The following ANKRD36B variants were observed in gnomAD, a reference collection of about 807,000 sequenced individuals.
ANKRD36B encodes the protein ankyrin repeat domain 36B, also known as ankyrin repeat domain-containing protein 36B.
ANKRD36B carries 37 observed loss-of-function variants against 135.7 expected under a neutral mutation model. The observed-to-expected ratio is 0.27, with a 90% CI of 0.21 to 0.36. The LOEUF (loss-of-function observed/expected upper bound fraction) is 0.36, where lower values mean the gene tolerates loss of function less well. ANKRD36B is among the 10% of genes least tolerant of loss of function. The pLI is 1.00. For missense variants in ANKRD36B, 549 were observed against 1,037.1 expected, an observed-to-expected ratio of 0.53 and a Z score of 6.46; for synonymous variants, 179 against 348.1, an observed-to-expected ratio of 0.51 and a Z score of 5.41.
intron 1 of ANKRD36B, among the ~76,000 whole-genome samples, chr2:97,587,332 A>G (rs2083080857): frequency 6.6e-6 from 1 of 152,252 alleles, no homozygotes; most frequent in African/African-American, 2.4e-5. Flanking sequence ...CATCACAGAT[A>G]AGAAAAAATA....
intron 14 of ANKRD36B, among the ~76,000 whole-genome samples, chr2:97,554,126 G>A (rs2080290490): frequency 6.6e-6 from 1 of 151,626 alleles, no homozygotes; most frequent in African/African-American, 2.4e-5. Flanking sequence ...TAAAAGCATT[G>A]GATATTAATA....
chr2:97,578,649 A>G lies in ANKRD36B; in HGVS notation c.695+257T>C, dbSNP rs1360200811. Among the ~76,000 whole-genome samples, 5 of 152,198 alleles carry G rather than the reference A, an allele frequency of 3.3e-5. No homozygotes were observed. In the East Asian group the frequency reaches 5.8e-4, roughly 18 times the overall value. ...TTATACTGGAAATAAAATGGACAAC[A>G]TTGGAATCCCTAAGGAGAAAAGTCC... On this transcript the variant is annotated intron_variant, in intron 5 of 43. Coordinates refer to ENST00000359901, the MANE Select transcript of ANKRD36B (RefSeq NM_001393939.1).
intron 5 of ANKRD36B, 77 bp downstream of exon 5, chr2:97,578,829 G>A (rs1559236817): frequency 6.5e-6 from 10 of 1,545,566 alleles, no homozygotes; most frequent in Non-Finnish European, 5.3e-6. Flanking sequence ...AATCTCACCT[G>A]ATATATAAGA....
At chr2:97,571,659 T>C (rs1258944503) in intron 6 of ANKRD36B, among the ~76,000 whole-genome samples, 1 of 151,972 alleles carries the variant, frequency 6.6e-6, no homozygotes, top group Non-Finnish European at 1.5e-5. Context: ...AAAAAATCTA[T>C]TAATAAAAAC....
chr2:97,582,848 C>T (rs2082715333), intron 3 of ANKRD36B, among the ~76,000 whole-genome samples: 1 of 151,976 alleles, frequency 6.6e-6, no homozygotes, highest in South Asian at 2.1e-4. Flanking sequence ...ACTTTTACAA[C>T]ATTCATTCAT....
intron 22 of ANKRD36B, 53 bp downstream of exon 22, chr2:97,547,483 A>G (rs2079581267): frequency 4.0e-6 from 6 of 1,501,816 alleles, no homozygotes; most frequent in African/African-American, 1.4e-5. Context: ...CAGGGAAGAG[A>G]ATTTCTTATC....
In ANKRD36B at chr2:97,574,398, G is replaced by A. The variant is rs527290400; in HGVS notation, c.763+1981C>T. Among the ~76,000 whole-genome samples, 686 of 152,296 alleles carry A rather than the reference G, an allele frequency of 4.5e-3. 5 individuals are homozygous for A. Among genetic ancestry groups the A allele is most frequent in the African/African-American group, 0.016 (658 of 41,560 alleles). On this transcript the variant is annotated intron_variant, in intron 6 of 43. Transcript: ENST00000359901. The stretch of plus-strand genomic sequence containing the variant: ...AAAACGTCAGGAAACAACAGGTGCT[G>A]GAGAGGATGTGGAGAAATAGGAACA...
chr2:97,528,959 G>A lies in ANKRD36B; in HGVS notation c.2265+3352C>T, dbSNP rs182487718. ...TCCAGGACCAGATGGATTCACAGTC[G>A]CATTCTACCAGAGGTACAAGGAGGA... On this transcript the variant is annotated intron_variant, in intron 35 of 43. Coordinates refer to ENST00000359901, the MANE Select transcript of ANKRD36B (RefSeq NM_001393939.1). 6.8e-4 allele frequency among the ~76,000 whole-genome samples: 65 copies of A among 96,274 alleles called. 26 individuals carry two copies. The highest frequency in any genetic ancestry group is 1.4e-3 in the Non-Finnish European group (52 of 36,168). 63.2% of individuals were successfully genotyped at this position (96,274 alleles called of 152,430 possible). A position where few individuals can be genotyped will look rare whatever the true frequency, so the allele number is the denominator to read the frequency against.
In ANKRD36B at chr2:97,581,895, C is replaced by T. The variant is rs535191307; in HGVS notation, c.451-1327G>A. Among the ~76,000 whole-genome samples, 470 of 151,972 alleles carry T rather than the reference C, an allele frequency of 3.1e-3. 2 individuals carry two copies. The highest frequency in any genetic ancestry group is 8.6e-3 in the Admixed American group (131 of 15,272). On this transcript the variant is annotated intron_variant, in intron 3 of 43. Transcript: ENST00000359901. ...TCGGCTCACTGCAACCTCCGCCTCC[C>T]GGATTCAAGCACGAGAAATTCTCCT...
At chr2:97,577,707 A>G (rs1296519304) in intron 5 of ANKRD36B, among the ~76,000 whole-genome samples, 1 of 141,536 alleles carries the variant, frequency 7.1e-6, no homozygotes, top group Non-Finnish European at 1.6e-5. Flanking sequence ...TGAGACTCAG[A>G]TAATTCCAAT....
chr2:97,543,060 C>T (rs1415293328), intron 26 of ANKRD36B, among the ~76,000 whole-genome samples: 1 of 152,006 alleles, frequency 6.6e-6, no homozygotes, highest in Non-Finnish European at 1.5e-5. Context: ...TATTCATATT[C>T]AAGTTTATCT....
rs536934646 is a variant in ANKRD36B, at chr2:97,539,481, T to C, written c.1987+553A>G. On this transcript the variant is annotated intron_variant, in intron 30 of 43. Transcript: ENST00000359901. ...AATCAAATCTTCTTTTAGGAAAATA[T>C]TCGAATATGCATCTGAACACAAGTT... Among the ~76,000 whole-genome samples, 17 of 96,562 alleles carry C rather than the reference T, an allele frequency of 1.8e-4. 6 individuals carry two copies. Among genetic ancestry groups the C allele is most frequent in the East Asian group, 1.2e-3 (5 of 4,328 alleles). 63.3% of individuals were successfully genotyped at this position (96,562 alleles called of 152,430 possible). A position where few individuals can be genotyped will look rare whatever the true frequency, so the allele number is the denominator to read the frequency against.
At chr2:97,552,235 T>G (rs1041857156) in intron 16 of ANKRD36B, among the ~76,000 whole-genome samples, 2 of 152,006 alleles carry the variant, frequency 1.3e-5, no homozygotes, top group African/African-American at 2.4e-5. Flanking sequence ...CATTAGATAT[T>G]AATCACTTTT....
At chr2:97,547,100 G>A (rs2079539269) in intron 22 of ANKRD36B, 1 of 152,456 alleles carries the variant, frequency 6.6e-6, no homozygotes, top group Admixed American at 6.6e-5. Flanking sequence ...TAGGAAAATA[G>A]TTGCTACACC....
chr2:97,579,080 C>T (rs761763453), intron 4 of ANKRD36B, 37 bp from the exon 5 acceptor site: 10 of 1,551,642 alleles, frequency 6.4e-6, no homozygotes, highest in East Asian at 2.4e-5. Flanking sequence ...ACTTTAATGA[C>T]ATTTTAAAAG....
intron 3 of ANKRD36B, among the ~76,000 whole-genome samples, chr2:97,584,645 G>C (rs1275273110): frequency 7.5e-6 from 1 of 133,440 alleles, no homozygotes; most frequent in Non-Finnish European, 1.5e-5. Context: ...AAGTAATTTA[G>C]TGGAAAAACA....
rs1354290786 is a variant in ANKRD36B, at chr2:97,530,087, G to A, written c.2265+2224C>T. Among the ~76,000 whole-genome samples, 7 of 95,712 alleles carry A rather than the reference G, an allele frequency of 7.3e-5. 1 individual carries two copies. Among genetic ancestry groups the A allele is most frequent in the South Asian group, 2.4e-4 (1 of 4,230 alleles). The allele number at this position is 95,712 out of a possible 152,430, so 62.8% of individuals were successfully genotyped here. A position where few individuals can be genotyped will look rare whatever the true frequency, so the allele number is the denominator to read the frequency against. On this transcript the variant is annotated intron_variant, in intron 35 of 43. Transcript: ENST00000359901. ...TTCATATGGAACCAAAAAAGAGCCC[G>A]CATCACCACATCAATCCTAAGCCAA...
At chr2:97,550,050 T>A (rs1172545329) in intron 18 of ANKRD36B, among the ~76,000 whole-genome samples, 19 of 151,612 alleles carry the variant, frequency 1.3e-4, no homozygotes, top group Non-Finnish European at 2.5e-4. Flanking sequence ...GCTCTTTAAA[T>A]TGCCCAATAA....
Position 97,549,374 on chromosome 2 carries a change from A to G in ANKRD36B, c.1477+45T>C, listed in dbSNP as rs372276073. On this transcript the variant is annotated intron_variant, in intron 20 of 43. Transcript: ENST00000359901. ...ATTTATTTGGGGAAGAGAACTTCTT[A>G]TCTATCTGGACTGAACATGACATTA... 1.0e-3 allele frequency: 1,569 copies of G among 1,524,692 alleles called. 1 individual carries two copies. In the African/African-American group the frequency reaches 0.019, roughly 18 times the overall value. 94.4% of individuals were successfully genotyped at this position (1,524,692 alleles called of 1,614,324 possible). A position where few individuals can be genotyped will look rare whatever the true frequency, so the allele number is the denominator to read the frequency against.
Sources: allele counts gnomAD v4.1 joint callset (sites outside exome capture counted in the v4.1 genomes callset), GRCh38; gene constraint gnomAD v4.1.1; transcripts MANE v1.5; gene names NCBI Gene and HGNC (gene_info 2026-07-23, HGNC 2026-07-21).